The following OPCML variants were observed in gnomAD, a reference collection of about 807,000 sequenced individuals.
OPCML encodes opioid-binding protein/cell adhesion molecule.
In OPCML, 13 loss-of-function variants were observed where a neutral mutation model predicts 37.8. The observed-to-expected ratio is 0.34, with a 90% CI of 0.22 to 0.55. The LOEUF (loss-of-function observed/expected upper bound fraction) is 0.55. OPCML is among the 20% of genes least tolerant of loss of function. The pLI, the probability that OPCML is intolerant of heterozygous loss-of-function variation, is 0.91. For synonymous variants in OPCML, 176 were observed against 168.8 expected, an observed-to-expected ratio of 1.04 and a Z score of -0.33; for missense variants, 341 against 435.6, an observed-to-expected ratio of 0.78 and a Z score of 1.93.
intron 1 of OPCML, among the ~76,000 whole-genome samples, chr11:133,327,345 G>A (rs1014731007): frequency 7.2e-5 from 11 of 151,926 alleles, no homozygotes; most frequent in African/African-American, 2.4e-4. Flanking sequence ...CCAGGTTTTT[G>A]TGCAGACTCT....
At chr11:133,419,270 C>T (rs1160489158) in intron 1 of OPCML, 1 of 985,220 alleles carries the variant, frequency 1.0e-6, no homozygotes, top group African/African-American at 1.7e-5. Context: ...TGGTTTTGAA[C>T]ATGTGGAATT....
chr11:132,540,386 A>G (rs1311122827), intron 3 of OPCML, among the ~76,000 whole-genome samples: 1 of 152,164 alleles, frequency 6.6e-6, no homozygotes, highest in Non-Finnish European at 1.5e-5. Flanking sequence ...TATGTGCTAA[A>G]TGTAATTGCT....
At chr11:132,669,242 G>A (rs1942353894) in intron 2 of OPCML, among the ~76,000 whole-genome samples, 1 of 151,842 alleles carries the variant, frequency 6.6e-6, no homozygotes, top group South Asian at 2.1e-4. Flanking sequence ...AGCAGATTGA[G>A]GCATTCCTGA....
chr11:132,687,562 T>C (rs1943221123), intron 2 of OPCML, among the ~76,000 whole-genome samples: 1 of 151,430 alleles, frequency 6.6e-6, no homozygotes, highest in African/African-American at 2.4e-5. Flanking sequence ...AAAATATCTT[T>C]CTATTATATT....
rs1350609719 is a variant in OPCML, at chr11:133,204,909, T to TATAC, written c.62-261900_62-261899insGTAT. ...ATATATATATATATATATATATATATACATACACATTTAGATATGGTCTTT... is the reference window on the plus strand; with the variant it reads ...ATATATATATATATATATATATATATATACACATACACATTTAGATATGGTCTTT... On this transcript the variant is annotated intron_variant, in intron 1 of 7. Transcript: ENST00000524381. 2.1e-3 allele frequency among the ~76,000 whole-genome samples: 273 copies of TATAC among 130,632 alleles called. 2 individuals carry two copies. Among genetic ancestry groups the TATAC allele is most frequent in the East Asian group, 0.013 (48 of 3,838 alleles). 85.7% of individuals were successfully genotyped at this position (130,632 alleles called of 152,430 possible). A position where few individuals can be genotyped will look rare whatever the true frequency, so the allele number is the denominator to read the frequency against.
chr11:133,269,241 G>A (rs1941749013), intron 1 of OPCML, among the ~76,000 whole-genome samples: 1 of 152,126 alleles, frequency 6.6e-6, no homozygotes, highest in Non-Finnish European at 1.5e-5. Context: ...CCAAATATGG[G>A]AGCCACTGAA....
At chr11:132,601,683 A>G (rs1475670230) in intron 3 of OPCML, among the ~76,000 whole-genome samples, 1 of 152,210 alleles carries the variant, frequency 6.6e-6, no homozygotes, top group Admixed American at 6.5e-5. Context: ...TCCAGCAGCT[A>G]GGTATTGGTC....
chr11:132,966,750 T>G (rs1279637222), intron 1 of OPCML, among the ~76,000 whole-genome samples: 1 of 152,106 alleles, frequency 6.6e-6, no homozygotes. Flanking sequence ...TGTACTTATG[T>G]TTATAATTTT....
intron 4 of OPCML, among the ~76,000 whole-genome samples, chr11:132,450,194 C>A (rs181792867): frequency 3.9e-5 from 6 of 152,202 alleles, no homozygotes; most frequent in Non-Finnish European, 8.8e-5. Context: ...ATCAAATAAA[C>A]GCATCTGACC....
chr11:132,716,718 A>G (rs1326773392), intron 2 of OPCML, among the ~76,000 whole-genome samples: 1 of 152,214 alleles, frequency 6.6e-6, no homozygotes, highest in African/African-American at 2.4e-5. Context: ...AGCACTCTGA[A>G]GTCTAATTCC....
rs1464838232 is a variant in OPCML, at chr11:132,947,502, G to A, written c.62-4492C>T. On this transcript the variant is annotated intron_variant, in intron 1 of 7. Transcript: ENST00000524381. ...TCAACTCATGGGCTAGCAGATCAGA[G>A]AAATGACTGCAAAGGTCTCATTTAA... Among the ~76,000 whole-genome samples the A allele has an allele frequency of 3.3e-5, 5 of 152,266 alleles. No individual in the cohort carries two copies. In the East Asian group the frequency reaches 9.7e-4, roughly 29 times the overall value.
At chr11:133,334,911 G>A (rs1353569976) in intron 1 of OPCML, among the ~76,000 whole-genome samples, 1 of 152,198 alleles carries the variant, frequency 6.6e-6, no homozygotes, top group Non-Finnish European at 1.5e-5. Flanking sequence ...CATTGATGAT[G>A]TGCTGTCTCT....
At chr11:133,207,254 C>G (rs1592104146) in intron 1 of OPCML, among the ~76,000 whole-genome samples, 1 of 151,862 alleles carries the variant, frequency 6.6e-6, no homozygotes. Context: ...GAGCCGAGAT[C>G]AAGCCACTGC....
intron 1 of OPCML, among the ~76,000 whole-genome samples, chr11:133,070,571 A>G (rs1047578980): frequency 6.6e-6 from 1 of 152,198 alleles, no homozygotes; most frequent in South Asian, 2.1e-4. Flanking sequence ...TTCAGAGCCT[A>G]TGAAGAGAGG....
chr11:133,378,289 C>T lies in OPCML; in HGVS notation c.61+153975G>A, dbSNP rs575710431. 3.3e-5 allele frequency among the ~76,000 whole-genome samples: 5 copies of T among 152,342 alleles called. No homozygotes were observed. In the South Asian group the frequency reaches 1.0e-3, roughly 32 times the overall value. ...TGCCTAAATGAGAACAAATACTCCA[C>T]ATTTTGTATGGCCTTTGAGGAAGCA... On this transcript the variant is annotated intron_variant, in intron 1 of 7. Coordinates refer to ENST00000524381, the MANE Select transcript of OPCML (RefSeq NM_001012393.5).
intron 2 of OPCML, among the ~76,000 whole-genome samples, chr11:132,681,682 G>A (rs545734903): frequency 3.0e-4 from 46 of 152,280 alleles, no homozygotes; most frequent in South Asian, 6.2e-4. Context: ...GCAGCCAGCC[G>A]TGGTGGCTCA....
intron 1 of OPCML, among the ~76,000 whole-genome samples, chr11:133,053,274 T>TA (rs1374462619): frequency 6.6e-6 from 1 of 152,232 alleles, no homozygotes; most frequent in Non-Finnish European, 1.5e-5. Context: ...TGGCACATGG[T>TA]AAGCCCTCAA....
At chr11:132,498,052 T>C (rs569475561) in intron 4 of OPCML, among the ~76,000 whole-genome samples, 8 of 152,206 alleles carry the variant, frequency 5.3e-5, no homozygotes, top group Non-Finnish European at 1.2e-4. Context: ...TTAGAAAACA[T>C]GATGAATTAT....
intron 7 of OPCML, among the ~76,000 whole-genome samples, chr11:132,422,971 G>A (rs2095965168): frequency 6.6e-6 from 1 of 152,190 alleles, no homozygotes; most frequent in African/African-American, 2.4e-5. Context: ...ATTGCAAATT[G>A]AGAAGAGATG....
Sources: allele counts gnomAD v4.1 joint callset (sites outside exome capture counted in the v4.1 genomes callset), GRCh38; gene constraint gnomAD v4.1.1; transcripts MANE v1.5; gene names NCBI Gene and HGNC (gene_info 2026-07-23, HGNC 2026-07-21).